MREG: variants seen among roughly 807,000 people sequenced by gnomAD.
The protein encoded by MREG is melanoregulin, also known as dilute suppressor protein homolog.
Under a neutral mutation model 28.5 loss-of-function variants are expected in MREG, and 31 were observed. The observed-to-expected ratio is 1.09, with a 90% CI of 0.82 to 1.47. MREG has a LOEUF of 1.47. Ranked by LOEUF, MREG falls within the 40% of genes most tolerant of loss-of-function variation. MREG has a pLI of 0.00. For synonymous variants in MREG, 106 were observed against 95.2 expected, an observed-to-expected ratio of 1.11 and a Z score of -0.66; for missense variants, 256 against 257.4, an observed-to-expected ratio of 0.99 and a Z score of 0.04.
intron 2 of MREG, among the ~76,000 whole-genome samples, chr2:215,986,677 C>A (rs1693580544): frequency 6.6e-6 from 1 of 152,206 alleles, no homozygotes; most frequent in Admixed American, 6.5e-5. Flanking sequence ...CGAAGTCTCA[C>A]AAGATCTGAT....
At position 215,945,709 on chromosome 2, in the gene MREG, C is replaced by A. The variant is rs779565613; in HGVS notation, c.372G>T (p.Leu124Phe). Residue 124 changes from leucine (L) to phenylalanine (F), a missense_variant, in exon 4 of 5, where the codon TTG becomes TTT. Transcript: ENST00000263268. ...DLGFQKEADS[L>F]LSVTKLSTIS... ...TGGTGCTGAGTTTAGTCACTGACAA[C>A]AAAGAGTCAGCTTCCTTTTGAAAAC... The A allele has an allele frequency of 5.6e-6, 9 of 1,613,522 alleles. No homozygotes were observed. Among genetic ancestry groups the A allele is most frequent in the South Asian group, 1.1e-5 (1 of 91,008 alleles).
At position 216,008,440 on chromosome 2, in the gene MREG, GAAC is replaced by G. The variant is rs376453499; in HGVS notation, c.95+4790_95+4792del. 4.9e-4 allele frequency among the ~76,000 whole-genome samples: 74 copies of G among 152,326 alleles called. 1 individual carries two copies. The highest frequency in any genetic ancestry group is 1.7e-3 in the African/African-American group (69 of 41,582). ...CAGCAAAAGAAGAAATGGAAAGAAT[GAAC>G]AACAATAGCTATGATTTTATGTGTG... On this transcript the variant is annotated intron_variant, in intron 1 of 4. Transcript: ENST00000263268.
chr2:215,945,608 G>T lies in MREG; in HGVS notation c.473C>A (p.Thr158Lys). The T allele has an allele frequency of 1.2e-6, 2 of 1,613,934 alleles. No individual in the cohort carries two copies. The highest frequency in any genetic ancestry group is 1.7e-6 in the Non-Finnish European group (2 of 1,179,846). ...KLAEETNIFP[T>K]SWELSERYLF... is the part of the protein sequence containing the mutation. ...ATATCTCTCTGAGAGCTCCCAACTT[G>T]TTGGGAAAATATTGGTTTCTTCAGC... The change falls in exon 4 of 5, where the codon ACA (threonine) becomes AAA (lysine). Residue 158 changes from threonine to lysine, a missense_variant. Thr to Lys is a moderately conservative substitution (Grantham distance 78). Coordinates refer to ENST00000263268, the MANE Select transcript of MREG (RefSeq NM_018000.3).
intron 2 of MREG, among the ~76,000 whole-genome samples, chr2:215,984,518 CAAAAAAAAAAAA>C (rs375220091): frequency 5.9e-5 from 4 of 68,064 alleles, no homozygotes; most frequent in Admixed American, 3.5e-4. Flanking sequence ...ACCTTGTCAC[CAAAAAAAAAAAA>C]AAAAAAAAAA....
intron 2 of MREG, among the ~76,000 whole-genome samples, chr2:215,989,598 G>A (rs13427888): frequency 0.1 from 15,283 of 151,880 alleles, 1,131 homozygotes; most frequent in Non-Finnish European, 0.16. Context: ...AAACTGCTCC[G>A]ACCTAAAGGA....
At chr2:216,019,643 T>A (rs1171615448) in intron 1 of MREG, among the ~76,000 whole-genome samples, 2 of 152,008 alleles carry the variant, frequency 1.3e-5, no homozygotes, top group Non-Finnish European at 2.9e-5. Flanking sequence ...TAGCTGGGAC[T>A]ATAGGCGCCC....
intron 2 of MREG, among the ~76,000 whole-genome samples, chr2:215,981,662 T>C (rs1693431874): frequency 6.6e-6 from 1 of 152,138 alleles, no homozygotes; most frequent in Non-Finnish European, 1.5e-5. Flanking sequence ...TTATATATAT[T>C]TTAAATTTAA....
intron 2 of MREG, among the ~76,000 whole-genome samples, chr2:215,964,244 G>T (rs1202518311): frequency 6.6e-6 from 1 of 152,168 alleles, no homozygotes; most frequent in Non-Finnish European, 1.5e-5. Flanking sequence ...AGCACTTTGG[G>T]AGGCAGAGGC....
At chr2:216,029,114 ATTT>A (rs1559203084) in intron 1 of MREG, among the ~76,000 whole-genome samples, 104 of 152,352 alleles carry the variant, frequency 6.8e-4, no homozygotes, top group African/African-American at 2.5e-3. Context: ...TTATTTATTT[ATTT>A]AAAAGGAAAT....
intron 1 of MREG, among the ~76,000 whole-genome samples, chr2:216,004,837 G>A (rs1694108295): frequency 6.6e-6 from 1 of 152,182 alleles, no homozygotes; most frequent in Non-Finnish European, 1.5e-5. Context: ...TAGTGAGTAA[G>A]GGACACAGTG....
intron 2 of MREG, among the ~76,000 whole-genome samples, chr2:215,957,511 GAAGA>G (rs1248533255): frequency 6.6e-6 from 1 of 152,122 alleles, no homozygotes; most frequent in Non-Finnish European, 1.5e-5. Context: ...CCCTCAAGAG[GAAGA>G]AAGAGAGGAG....
intron 2 of MREG, among the ~76,000 whole-genome samples, chr2:215,978,662 G>A (rs1024058926): frequency 6.6e-6 from 1 of 152,162 alleles, no homozygotes; most frequent in Non-Finnish European, 1.5e-5. Context: ...GAATCCAGCA[G>A]CACATCAAAA....
intron 2 of MREG, among the ~76,000 whole-genome samples, chr2:215,974,813 G>GAC (rs1206068849): frequency 8.4e-5 from 9 of 107,404 alleles, no homozygotes; most frequent in Admixed American, 1.0e-4. Context: ...CACAGACACA[G>GAC]ACACACACAC....
At chr2:216,015,141 C>A (rs201683850), upstream of MREG, among the ~76,000 whole-genome samples, 3 of 48,194 alleles carry the variant, frequency 6.2e-5, no homozygotes, top group African/African-American at 1.8e-4. Context: ...GCGCGTGCGT[C>A]TGTGCGTGCG....
chr2:215,983,830 AGG>A (rs780259022), intron 2 of MREG, among the ~76,000 whole-genome samples: 2 of 152,184 alleles, frequency 1.3e-5, no homozygotes, highest in East Asian at 3.8e-4. Context: ...ATGTCATGAG[AGG>A]TATATGCATT....
chr2:215,940,776 G>T (rs1692187983), downstream of MREG, among the ~76,000 whole-genome samples: 1 of 152,150 alleles, frequency 6.6e-6, no homozygotes, highest in Admixed American at 6.5e-5. Flanking sequence ...TTACTAAGAT[G>T]CAGTCACAAC....
chr2:215,990,928 T>A (rs532317928), intron 2 of MREG, among the ~76,000 whole-genome samples: 1 of 152,244 alleles, frequency 6.6e-6, no homozygotes, highest in Non-Finnish European at 1.5e-5. Flanking sequence ...AGACTTAGAT[T>A]CCCACACAAT....
At chr2:216,001,386 T>C (rs1694009375) in intron 1 of MREG, among the ~76,000 whole-genome samples, 1 of 152,172 alleles carries the variant, frequency 6.6e-6, no homozygotes, top group South Asian at 2.1e-4. Context: ...GGGGATGATG[T>C]AAATCAGGAA....
At chr2:216,020,092 G>C (rs1023675307) in intron 1 of MREG, among the ~76,000 whole-genome samples, 1 of 152,136 alleles carries the variant, frequency 6.6e-6, no homozygotes, top group African/African-American at 2.4e-5. Flanking sequence ...CTTCAAGAAA[G>C]TTTGGCTCTT....
Sources: gnomAD v4.1 joint callset for allele counts (sites outside exome capture counted in the v4.1 genomes callset) on GRCh38, gnomAD v4.1.1 for gene constraint, MANE v1.5 for transcripts, NCBI Gene and HGNC (gene_info 2026-07-23, HGNC 2026-07-21) for gene names.